The following ADRA2C variants were observed in gnomAD, a reference collection of about 807,000 sequenced individuals.
The protein encoded by ADRA2C is alpha-2C adrenergic receptor.
ADRA2C carries 4 observed loss-of-function variants against 7.9 expected under a neutral mutation model. That is an observed-to-expected ratio of 0.51 (90% confidence interval 0.25 to 1.16). The LOEUF is 1.16. Among genes scored for constraint, ADRA2C ranks in the 50% most tolerant of loss-of-function variants. The pLI, the probability that ADRA2C is intolerant of heterozygous loss-of-function variation, is 0.15. For synonymous variants in ADRA2C, 368 were observed against 328.9 expected (o/e 1.12, Z -1.29); for missense variants, 589 against 677.7 (o/e 0.87, Z 1.45).
At position 3,767,647 on chromosome 4, in the gene ADRA2C, C is replaced by T; in HGVS notation, c.1041C>T (p.Arg347=). ...RSPGPGGRLS[R]ASSRSVEFFL... ...CGGGGCCCGGTGGCCGCCTGTCGCG[C>T]GCCAGCTCGCGCTCCGTCGAGTTCT... Residue 347 remains arginine, a synonymous_variant, in exon 1 of 1, where the codon CGC becomes CGT. Transcript: ENST00000330055. 2.1e-6 allele frequency: 3 copies of T among 1,410,348 alleles called. No individual in the cohort carries two copies. The highest frequency in any genetic ancestry group is 2.8e-6 in the Non-Finnish European group (3 of 1,089,876). 87.4% of individuals were successfully genotyped at this position (1,410,348 alleles called of 1,614,324 possible).
Position 3,767,907 on chromosome 4 carries a change from C to A in ADRA2C, c.1301C>A (p.Pro434Gln), listed in dbSNP as rs1377883620. 6.2e-7 allele frequency: 1 copy of A among 1,612,442 alleles called. No homozygotes were observed. Among genetic ancestry groups the A allele is most frequent in the South Asian group, 1.1e-5 (1 of 91,086 alleles). Residue 434 changes from proline (P) to glutamine (Q), a missense_variant, in exon 1 of 1, where the codon CCG becomes CAG. Pro to Gln is a moderately conservative substitution (Grantham distance 76). Transcript: ENST00000330055. Reference sequence around the variant, plus strand: ...GGCTACTGCAACAGCTCGCTCAACCCGGTCATCTACACGGTCTTCAACCAG... The same window carrying A: ...GGCTACTGCAACAGCTCGCTCAACCAGGTCATCTACACGGTCTTCAACCAG... ...WIGYCNSSLN[P>Q]VIYTVFNQDF...
rs1249957717 is a variant in ADRA2C, at chr4:3,768,363, C to T, written c.*368C>T. 1.4e-5 allele frequency: 10 copies of T among 702,842 alleles called. No homozygotes were observed. The highest frequency in any genetic ancestry group is 2.7e-5 in the East Asian group (1 of 36,988). The allele number at this position is 702,842 out of a possible 1,614,324, so 43.5% of individuals were successfully genotyped here. A position where few individuals can be genotyped will look rare whatever the true frequency, so the allele number is the denominator to read the frequency against. ...CAAAGACACTACCACTCCCCATCCCCGTCTGACCAAGGGCTGACTTCTCCA... is the reference window on the plus strand; with the variant it reads ...CAAAGACACTACCACTCCCCATCCCTGTCTGACCAAGGGCTGACTTCTCCA... On this transcript the variant is annotated 3_prime_UTR_variant, in exon 1 of 1. Coordinates refer to ENST00000330055, the MANE Select transcript of ADRA2C (RefSeq NM_000683.4).
rs1237148004 is a variant in ADRA2C at position 3,767,893 on chromosome 4, C to T, written c.1287C>T (p.Asn429=). The T allele has an allele frequency of 1.9e-6, 3 of 1,612,428 alleles. No homozygotes were observed. The highest frequency in any genetic ancestry group is 2.5e-6 in the Non-Finnish European group (3 of 1,179,848). Residue 429 remains asparagine (N), a synonymous_variant, in exon 1 of 1, where the codon AAC becomes AAT. Transcript: ENST00000330055. ...FKFFFWIGYC[N]SSLNPVIYTV... is the part of the protein sequence containing the mutation. ...TCTTCTTCTGGATCGGCTACTGCAA[C>T]AGCTCGCTCAACCCGGTCATCTACA...
Position 3,767,461 on chromosome 4 carries a change from G to T in ADRA2C, c.855G>T (p.Pro285=). ...HCAPPPADVE[P]DESSAAAERR... ...CGCCCCCGCCCGCCGACGTGGAGCC[G>T]GACGAGAGCAGCGCAGCGGCCGAGA... The change falls in exon 1 of 1, where the codon CCG becomes CCT. Residue 285 remains proline (P), a synonymous_variant. Transcript: ENST00000330055. 1.4e-6 allele frequency: 2 copies of T among 1,466,348 alleles called. No homozygotes were observed. The highest frequency in any genetic ancestry group is 8.9e-7 in the Non-Finnish European group (1 of 1,121,730). 90.8% of individuals were successfully genotyped at this position (1,466,348 alleles called of 1,614,324 possible).
rs1237400249 is a variant in ADRA2C, at chr4:3,767,678, T to C, written c.1072T>C (p.Ser358Pro). 1.0e-5 allele frequency: 16 copies of C among 1,579,762 alleles called. No individual in the cohort carries two copies. The highest frequency in any genetic ancestry group is 1.3e-5 in the Non-Finnish European group (15 of 1,165,584). Residue 358 changes from serine (S) to proline (P), a missense_variant, in exon 1 of 1, where the codon TCG (serine) becomes CCG (proline). By Grantham distance (74) the Ser-to-Pro change is moderately conservative (BLOSUM62 -1). Transcript: ENST00000330055. ...ASSRSVEFFL[S>P]RRRRARSSVC... ...CTCGCGCTCCGTCGAGTTCTTCCTGTCGCGCCGGCGCCGGGCGCGCAGCAG... is the reference window on the plus strand; with the variant it reads ...CTCGCGCTCCGTCGAGTTCTTCCTGCCGCGCCGGCGCCGGGCGCGCAGCAG...
rs111370723 is a variant in ADRA2C at position 3,767,245 on chromosome 4, C to T, written c.639C>T (p.Ser213=). The change falls in exon 1 of 1, where the codon TCC becomes TCT. Residue 213 remains serine (S), a synonymous_variant. Coordinates refer to ENST00000330055, the MANE Select transcript of ADRA2C (RefSeq NM_000683.4). ...ACGACGAGACCTGGTACATCCTGTC[C>T]TCCTGCATCGGCTCCTTCTTCGCGC... ...GLNDETWYIL[S]SCIGSFFAPC... 1.9e-6 allele frequency: 3 copies of T among 1,609,750 alleles called. No homozygotes were observed. In the Admixed American group the frequency reaches 5.0e-5, roughly 27 times the overall value.
In ADRA2C at chr4:3,767,680, G is replaced by C. The variant is rs1195347386; in HGVS notation, c.1074G>C (p.Ser358=). The change falls in exon 1 of 1, where the codon TCG becomes TCC. Residue 358 remains serine, a synonymous_variant. Transcript: ENST00000330055. ...ASSRSVEFFL[S]RRRRARSSVC... Reference sequence around the variant, plus strand: ...CGCGCTCCGTCGAGTTCTTCCTGTCGCGCCGGCGCCGGGCGCGCAGCAGCG... The same window carrying C: ...CGCGCTCCGTCGAGTTCTTCCTGTCCCGCCGGCGCCGGGCGCGCAGCAGCG... The C allele has an allele frequency of 1.3e-6, 2 of 1,582,518 alleles. No homozygotes were observed. Among genetic ancestry groups the C allele is most frequent in the Non-Finnish European group, 1.7e-6 (2 of 1,166,862 alleles).
In ADRA2C at chr4:3,766,473, T is replaced by A. The variant is rs1427733577; in HGVS notation, c.-134T>A. On this transcript the variant is annotated 5_prime_UTR_variant, in exon 1 of 1. Coordinates refer to ENST00000330055, the MANE Select transcript of ADRA2C (RefSeq NM_000683.4). This position sits in a 1 kb window ranked among gnomAD's most constrained non-coding sequence, Gnocchi z 4.5. ...GCCACCACGGCCGAGGGCCGGCTGC[T>A]GGGCGCCGCGGTCCCCGGCGGGCGC... 1.8e-6 allele frequency: 1 copy of A among 567,870 alleles called. No individual in the cohort carries two copies. The highest frequency in any genetic ancestry group is 6.5e-5 in the Admixed American group (1 of 15,352). The allele number at this position is 567,870 out of a possible 1,614,324, so 35.2% of individuals were successfully genotyped here.
Position 3,766,598 on chromosome 4 carries a change from G to A in ADRA2C, c.-9G>A. On this transcript the variant is annotated 5_prime_UTR_variant, in exon 1 of 1. Coordinates refer to ENST00000330055, the MANE Select transcript of ADRA2C (RefSeq NM_000683.4). The surrounding 1 kb of genome is among the most constrained non-coding windows in gnomAD (Gnocchi z 4.5). ...CTCCAGGAGGGACGGCGTAGCTCGC[G>A]GGAGGACCATGGCGTCCCCGGCGCT... is the stretch of plus-strand genomic sequence containing the variant. 8.5e-7 allele frequency: 1 copy of A among 1,175,904 alleles called. No homozygotes were observed. Among genetic ancestry groups the A allele is most frequent in the Non-Finnish European group, 1.0e-6 (1 of 953,336 alleles). The allele number at this position is 1,175,904 out of a possible 1,614,324, so 72.8% of individuals were successfully genotyped here.
Position 3,766,591 on chromosome 4 carries a change from A to C in ADRA2C, c.-16A>C. On this transcript the variant is annotated 5_prime_UTR_variant, in exon 1 of 1. It removes the in-frame stop codon of an upstream open reading frame in the 5' UTR. Transcript: ENST00000330055. The surrounding 1 kb of genome is among the most constrained non-coding windows in gnomAD (Gnocchi z 4.5). ...GCCCCGGCTCCAGGAGGGACGGCGT[A>C]GCTCGCGGGAGGACCATGGCGTCCC... is the stretch of plus-strand genomic sequence containing the variant. 1 of 1,163,544 alleles carries C rather than the reference A, an allele frequency of 8.6e-7. No homozygotes were observed. 72.1% of individuals were successfully genotyped at this position (1,163,544 alleles called of 1,614,324 possible).
rs928251816 is a variant in ADRA2C, at chr4:3,768,458, T to C, written c.*463T>C. On this transcript the variant is annotated 3_prime_UTR_variant, in exon 1 of 1. Transcript: ENST00000330055. ...CGACAATCTTTGATTACTGAAAGTA[T>C]TTAAATGTTTGCCAAAAACAACAGC... The C allele has an allele frequency of 1.3e-5, 8 of 599,526 alleles. No homozygotes were observed. The highest frequency in any genetic ancestry group is 2.4e-5 in the Non-Finnish European group (8 of 328,944). 37.1% of individuals were successfully genotyped at this position (599,526 alleles called of 1,614,324 possible).
rs1243730534 is a variant in ADRA2C at position 3,767,116 on chromosome 4, C to T, written c.510C>T (p.Ala170=). ...NLKRTPRRVK[A]TIVAVWLISA... ...AGCGCACACCACGCCGCGTCAAGGC[C>T]ACCATCGTGGCCGTGTGGCTCATCT... is the stretch of plus-strand genomic sequence containing the variant. The change falls in exon 1 of 1, where the codon GCC becomes GCT. Residue 170 remains alanine (A), a synonymous_variant. Coordinates refer to ENST00000330055, the MANE Select transcript of ADRA2C (RefSeq NM_000683.4). 1 of 1,609,276 alleles carries T rather than the reference C, an allele frequency of 6.2e-7. No homozygotes were observed. Among genetic ancestry groups the T allele is most frequent in the Admixed American group, 1.7e-5 (1 of 59,998 alleles).
chr4:3,767,613 C>A lies in ADRA2C; in HGVS notation c.1007C>A (p.Ser336Tyr). The change falls in exon 1 of 1, where the codon TCC (serine) becomes TAC (tyrosine). Residue 336 changes from serine (S) to tyrosine (Y), a missense_variant. Coordinates refer to ENST00000330055, the MANE Select transcript of ADRA2C (RefSeq NM_000683.4). ...GCTGAGTCGGGGGCGCTGACCGCCT[C>A]CAGGTCCCCGGGGCCCGGTGGCCGC... ...GAAESGALTA[S>Y]RSPGPGGRLS... is the part of the protein sequence containing the mutation. The A allele has an allele frequency of 7.5e-7, 1 of 1,339,852 alleles. No homozygotes were observed. The highest frequency in any genetic ancestry group is 2.7e-4 in the Middle Eastern group (1 of 3,726). The allele number at this position is 1,339,852 out of a possible 1,614,324, so 83.0% of individuals were successfully genotyped here.
rs935456419 is a variant in ADRA2C, at chr4:3,766,477, C to T, written c.-130C>T. The T allele has an allele frequency of 4.5e-5, 27 of 598,054 alleles. No individual in the cohort carries two copies. In the African/African-American group the frequency reaches 4.9e-4, roughly 11 times the overall value. 37.0% of individuals were successfully genotyped at this position (598,054 alleles called of 1,614,324 possible). ...CCACGGCCGAGGGCCGGCTGCTGGG[C>T]GCCGCGGTCCCCGGCGGGCGCGCCC... On this transcript the variant is annotated 5_prime_UTR_variant, in exon 1 of 1. Transcript: ENST00000330055. This position sits in a 1 kb window ranked among gnomAD's most constrained non-coding sequence, Gnocchi z 4.5.
chr4:3,766,649 G>T lies in ADRA2C; in HGVS notation c.43G>T (p.Ala15Ser). The T allele has an allele frequency of 8.1e-7, 1 of 1,231,516 alleles. No individual in the cohort carries two copies. Among genetic ancestry groups the T allele is most frequent in the East Asian group, 3.3e-5 (1 of 30,672 alleles). 76.3% of individuals were successfully genotyped at this position (1,231,516 alleles called of 1,614,324 possible). The change falls in exon 1 of 1, where the codon GCG (alanine) becomes TCG (serine). Residue 15 changes from alanine to serine, a missense_variant. By Grantham distance (99) the Ala-to-Ser change is moderately conservative. Transcript: ENST00000330055. This position sits in a 1 kb window ranked among gnomAD's most constrained non-coding sequence, Gnocchi z 4.5. ...GGCGGCGGCGCTGGCGGTGGCGGCA[G>T]CGGCGGGCCCCAATGCGAGCGGCGC... ...ALAAALAVAA[A>S]AGPNASGAGE...
Position 3,766,873 on chromosome 4 carries a change from C to A in ADRA2C, c.267C>A (p.Phe89Leu). The stretch of plus-strand genomic sequence containing the variant: ...CGCTGCGCGCGCCACAGAACCTCTT[C>A]CTGGTGTCGCTGGCCTCGGCCGACA... ...SRALRAPQNLFLVSLASADIL... is the reference protein window; with the variant it reads ...SRALRAPQNLLLVSLASADIL... The change falls in exon 1 of 1, where the codon TTC becomes TTA. Residue 89 changes from phenylalanine to leucine, a missense_variant. Physicochemically the swap from Phe to Leu is conservative, Grantham distance 22 (BLOSUM62 0). Transcript: ENST00000330055. The surrounding 1 kb of genome is among the most constrained non-coding windows in gnomAD (Gnocchi z 4.5). 1.2e-6 allele frequency: 2 copies of A among 1,604,218 alleles called. No individual in the cohort carries two copies. The highest frequency in any genetic ancestry group is 1.7e-6 in the Non-Finnish European group (2 of 1,176,136).
In ADRA2C at chr4:3,768,070, T is replaced by TA. The variant is rs1214332626; in HGVS notation, c.*75_*76insA. 5.1e-5 allele frequency: 79 copies of TA among 1,539,074 alleles called. No homozygotes were observed. The Middle Eastern group carries it at 7.0e-4, about 14-fold the overall frequency. ...GAAGGGGCGGCCCGGACGGGGGAGC[T>TA]TTCCCAGAGACCCGGGGATGGATTG... On this transcript the variant is annotated 3_prime_UTR_variant, in exon 1 of 1. Transcript: ENST00000330055.
Position 3,766,649 on chromosome 4 carries a change from G to A in ADRA2C, c.43G>A (p.Ala15Thr). 7 of 1,231,516 alleles carry A rather than the reference G, an allele frequency of 5.7e-6. No individual in the cohort carries two copies. The highest frequency in any genetic ancestry group is 7.1e-6 in the Non-Finnish European group (7 of 989,418). The allele number at this position is 1,231,516 out of a possible 1,614,324, so 76.3% of individuals were successfully genotyped here. The change falls in exon 1 of 1, where the codon GCG (alanine) becomes ACG (threonine). Residue 15 changes from alanine (A) to threonine (T), a missense_variant. Transcript: ENST00000330055. The surrounding 1 kb of genome is among the most constrained non-coding windows in gnomAD (Gnocchi z 4.5). ...GGCGGCGGCGCTGGCGGTGGCGGCA[G>A]CGGCGGGCCCCAATGCGAGCGGCGC... is the stretch of plus-strand genomic sequence containing the variant. The part of the protein sequence containing the change: ...ALAAALAVAA[A>T]AGPNASGAGE...
At position 3,766,545 on chromosome 4, in the gene ADRA2C, C is replaced by A. The variant is rs1484179327; in HGVS notation, c.-62C>A. 5 of 1,071,280 alleles carry A rather than the reference C, an allele frequency of 4.7e-6. No homozygotes were observed. The highest frequency in any genetic ancestry group is 4.5e-6 in the Non-Finnish European group (4 of 886,526). The allele number at this position is 1,071,280 out of a possible 1,614,324, so 66.4% of individuals were successfully genotyped here. A position where few individuals can be genotyped will look rare whatever the true frequency, so the allele number is the denominator to read the frequency against. On this transcript the variant is annotated 5_prime_UTR_variant, in exon 1 of 1. Coordinates refer to ENST00000330055, the MANE Select transcript of ADRA2C (RefSeq NM_000683.4). The surrounding 1 kb of genome is among the most constrained non-coding windows in gnomAD (Gnocchi z 4.5). The stretch of plus-strand genomic sequence containing the variant: ...GCGGGCGCCGACCCCGGCTGGGGGG[C>A]GCCCGAGCTGCCGCGGCTGCGCCCC...
Sources: gnomAD v4.1 joint callset for allele counts on GRCh38, gnomAD v4.1.1 for gene constraint, Gnocchi (gnomAD v3.1) non-coding constraint, MANE v1.5 for transcripts, NCBI Gene and HGNC (gene_info 2026-07-23, HGNC 2026-07-21) for gene names.